CHMP4B: variants seen among roughly 807,000 people sequenced by gnomAD.
The protein encoded by CHMP4B is charged multivesicular body protein 4B, also known as SNF7 homolog associated with Alix 1.
In CHMP4B, 1 loss-of-function variant was observed where a neutral mutation model predicts 25.1. That is an observed-to-expected ratio of 0.04 (90% CI 0.01 to 0.19). The LOEUF is 0.19. CHMP4B is among the 10% of genes least tolerant of loss of function. CHMP4B has a pLI of 1.00. For missense variants in CHMP4B, 151 were observed against 289.7 expected (o/e 0.52, Z 3.48); for synonymous variants, 101 against 115.6 (o/e 0.87, Z 0.81).
intron 1 of CHMP4B, among the ~76,000 whole-genome samples, chr20:33,841,548 G>C (rs1979541255): frequency 6.6e-6 from 1 of 152,176 alleles, no homozygotes; most frequent in African/African-American, 2.4e-5. Flanking sequence ...TATGCATTTG[G>C]TGCATTTTGG....
chr20:33,848,026 C>T (rs576205762), intron 1 of CHMP4B, among the ~76,000 whole-genome samples: 2 of 152,128 alleles, frequency 1.3e-5, no homozygotes, highest in African/African-American at 4.8e-5. Flanking sequence ...TAATGGGAGC[C>T]GCTTTTTTTG....
chr20:33,814,530 G>C (rs1271599460), intron 1 of CHMP4B, among the ~76,000 whole-genome samples: 2 of 152,178 alleles, frequency 1.3e-5, no homozygotes, highest in Non-Finnish European at 2.9e-5. Context: ...GGTGTGTTTG[G>C]GAGGCAGTGA....
At chr20:33,848,098 C>T (rs189871998) in intron 1 of CHMP4B, among the ~76,000 whole-genome samples, 2 of 152,248 alleles carry the variant, frequency 1.3e-5, no homozygotes, top group African/African-American at 2.4e-5. Flanking sequence ...TTGCTGCTCA[C>T]ACTGACCCCA....
chr20:33,834,487 A>G (rs148853601), intron 1 of CHMP4B, among the ~76,000 whole-genome samples: 32 of 152,154 alleles, frequency 2.1e-4, no homozygotes, highest in Middle Eastern at 6.8e-3. Context: ...TTTGAAAAAA[A>G]TTTTTAATAG....
At chr20:33,823,955 G>A (rs749435534) in intron 1 of CHMP4B, among the ~76,000 whole-genome samples, 20 of 152,144 alleles carry the variant, frequency 1.3e-4, no homozygotes, top group Non-Finnish European at 2.8e-4. Flanking sequence ...GGATTACAGG[G>A]ATGAGTCACC....
chr20:33,846,404 C>T (rs902063285), intron 1 of CHMP4B, among the ~76,000 whole-genome samples: 2 of 152,168 alleles, frequency 1.3e-5, no homozygotes, highest in Non-Finnish European at 2.9e-5. Flanking sequence ...AAGTCTTGGG[C>T]CATTCCAGCC....
chr20:33,849,819 G>T (rs1052891349), intron 2 of CHMP4B, among the ~76,000 whole-genome samples: 5 of 152,132 alleles, frequency 3.3e-5, no homozygotes, highest in Admixed American at 3.3e-4. Flanking sequence ...TCTGTCACCT[G>T]GGCTGGAATG....
intron 1 of CHMP4B, among the ~76,000 whole-genome samples, chr20:33,837,026 C>T (rs1168212766): frequency 6.6e-6 from 1 of 152,180 alleles, no homozygotes; most frequent in African/African-American, 2.4e-5. Flanking sequence ...CCTCAAATCT[C>T]TTCATCTGTA....
chr20:33,852,113 G>A lies in CHMP4B; in HGVS notation c.520G>A (p.Glu174Lys). Reference protein sequence around the residue: ...LMAELEELEQEELDKNLLEIS... With the variant: ...LMAELEELEQKELDKNLLEIS... ...GGCGGAATTAGAAGAACTAGAACAGGAGGAACTAGACAAGAATTTGCTGGA... is the reference window on the plus strand; with the variant it reads ...GGCGGAATTAGAAGAACTAGAACAGAAGGAACTAGACAAGAATTTGCTGGA... The change falls in exon 4 of 5, where the codon GAG becomes AAG. Residue 174 changes from glutamate (E) to lysine (K), a missense_variant. Around this residue, in one of 3 missense-constraint regions of CHMP4B, gnomAD observed 82 missense variants for 208.3 expected, o/e 0.39. Transcript: ENST00000217402. 1 of 1,614,208 alleles carries A rather than the reference G, an allele frequency of 6.2e-7. No homozygotes were observed. Among genetic ancestry groups the A allele is most frequent in the South Asian group, 1.1e-5 (1 of 91,086 alleles).
At chr20:33,814,354 G>A (rs1174563218) in intron 1 of CHMP4B, among the ~76,000 whole-genome samples, 2 of 152,194 alleles carry the variant, frequency 1.3e-5, no homozygotes, top group African/African-American at 4.8e-5. Flanking sequence ...GAAGTGTGGG[G>A]TGGGAGTGTA....
At chr20:33,832,980 G>A (rs949430537) in intron 1 of CHMP4B, among the ~76,000 whole-genome samples, 1 of 151,128 alleles carries the variant, frequency 6.6e-6, no homozygotes, top group Non-Finnish European at 1.5e-5. Flanking sequence ...GTAGAGACAG[G>A]GTCTTACTAT....
chr20:33,850,811 A>G, intron 2 of CHMP4B, 141 bp from the exon 3 acceptor site: 1 of 706,792 alleles, frequency 1.4e-6, no homozygotes, highest in South Asian at 1.5e-5. Context: ...AATGCCAAGT[A>G]ACCCCTCACA....
intron 1 of CHMP4B, among the ~76,000 whole-genome samples, chr20:33,818,836 T>A (rs1334830877): frequency 1.3e-5 from 2 of 152,212 alleles, no homozygotes; most frequent in African/African-American, 4.8e-5. Context: ...TCATTGACTG[T>A]CCATTTTTTG....
chr20:33,814,128 A>ACAGCCTTC (rs1978718341), intron 1 of CHMP4B, among the ~76,000 whole-genome samples: 1 of 152,190 alleles, frequency 6.6e-6, no homozygotes, highest in Admixed American at 6.5e-5. Context: ...AGACTTGCTG[A>ACAGCCTTC]AGGCAGGCTG....
chr20:33,842,708 A>G (rs1979577453), intron 1 of CHMP4B, among the ~76,000 whole-genome samples: 1 of 152,212 alleles, frequency 6.6e-6, no homozygotes, highest in African/African-American at 2.4e-5. Context: ...GGAAAGCAGC[A>G]GCCCTCTTCC....
At chr20:33,839,203 A>C (rs538205504) in intron 1 of CHMP4B, among the ~76,000 whole-genome samples, 1 of 152,278 alleles carries the variant, frequency 6.6e-6, no homozygotes, top group Non-Finnish European at 1.5e-5. Context: ...AGGCTGTCTT[A>C]GGACCTGGGA....
At chr20:33,814,759 A>G (rs959217161) in intron 1 of CHMP4B, among the ~76,000 whole-genome samples, 5 of 152,166 alleles carry the variant, frequency 3.3e-5, no homozygotes, top group Non-Finnish European at 5.9e-5. Context: ...GGCTCAAATG[A>G]TCCTCTCACT....
intron 1 of CHMP4B, among the ~76,000 whole-genome samples, chr20:33,824,512 CTG>C (rs1272684793): frequency 6.6e-6 from 1 of 152,228 alleles, no homozygotes; most frequent in Admixed American, 6.5e-5. Context: ...CAAGAGGAGA[CTG>C]TTATTACATT....
intron 1 of CHMP4B, among the ~76,000 whole-genome samples, chr20:33,831,491 A>G (rs1366451676): frequency 1.3e-5 from 2 of 152,150 alleles, no homozygotes; most frequent in African/African-American, 4.8e-5. Context: ...TGGCCTCCCA[A>G]AGTGCTGGGA....
Sources: gnomAD v4.1 joint callset for allele counts (sites outside exome capture counted in the v4.1 genomes callset) on GRCh38, gnomAD v4.1.1 for gene constraint, gnomAD v4.1.1 regional missense constraint, MANE v1.5 for transcripts, NCBI Gene and HGNC (gene_info 2026-07-23, HGNC 2026-07-21) for gene names.